The following GPC6 variants were observed in gnomAD, a reference collection of about 807,000 sequenced individuals.
The protein encoded by GPC6 is glypican-6.
GPC6 carries 14 observed loss-of-function variants against 55.2 expected under a neutral mutation model. The observed-to-expected ratio is 0.25, with a 90% CI of 0.17 to 0.40. The LOEUF (loss-of-function observed/expected upper bound fraction) is 0.40, where lower values mean the gene tolerates loss of function less well. GPC6 is among the 10% of genes least tolerant of loss of function. GPC6 has a pLI of 1.00. For missense variants in GPC6, 641 were observed against 708.5 expected (o/e 0.90, Z 1.08); for synonymous variants, 278 against 259.6 (o/e 1.07, Z -0.68).
At chr13:93,976,774 A>G (rs187095577) in intron 3 of GPC6, among the ~76,000 whole-genome samples, 21 of 151,958 alleles carry the variant, frequency 1.4e-4, no homozygotes, top group Non-Finnish European at 2.1e-4. Context: ...CACTTCTGAC[A>G]GGAGAAGGAC....
At chr13:93,237,264 C>A (rs1408348870) in intron 1 of GPC6, among the ~76,000 whole-genome samples, 3 of 152,136 alleles carry the variant, frequency 2.0e-5, no homozygotes, top group Non-Finnish European at 4.4e-5. Context: ...AATGGCCATT[C>A]TGACTAGGAT....
chr13:94,268,152 C>A (rs563667180), intron 4 of GPC6, among the ~76,000 whole-genome samples: 29 of 152,232 alleles, frequency 1.9e-4, no homozygotes, highest in African/African-American at 5.8e-4. Flanking sequence ...TTAGTAGTTC[C>A]AAGAGGTACT....
intron 4 of GPC6, among the ~76,000 whole-genome samples, chr13:94,256,442 C>G (rs1014423991): frequency 1.3e-5 from 2 of 152,124 alleles, no homozygotes; most frequent in Non-Finnish European, 2.9e-5. Context: ...AAAGAAGCAT[C>G]TTGCTACAAG....
chr13:93,660,433 T>C (rs9524162), intron 2 of GPC6, among the ~76,000 whole-genome samples: 39,786 of 152,050 alleles, frequency 0.26, 5,801 homozygotes, highest in East Asian at 0.47. Flanking sequence ...ATTAAAGTGT[T>C]AAATTCTTTA....
intron 4 of GPC6, among the ~76,000 whole-genome samples, chr13:94,113,526 T>C (rs1330733086): frequency 6.6e-6 from 1 of 150,522 alleles, no homozygotes; most frequent in Non-Finnish European, 1.5e-5. Context: ...TTGTGAAGTT[T>C]CCATGTTTTC....
intron 6 of GPC6, among the ~76,000 whole-genome samples, chr13:94,333,878 A>T (rs1471068821): frequency 6.6e-6 from 1 of 152,194 alleles, no homozygotes; most frequent in Non-Finnish European, 1.5e-5. Flanking sequence ...AGCCTGTGCA[A>T]CTATTAGGAT....
At chr13:93,876,361 A>G (rs1427487141) in intron 3 of GPC6, among the ~76,000 whole-genome samples, 2 of 151,942 alleles carry the variant, frequency 1.3e-5, no homozygotes, top group African/African-American at 2.4e-5. Context: ...ATCAAATAAT[A>G]CTCTTGCTTA....
At chr13:93,615,264 T>C (rs1878663867) in intron 2 of GPC6, among the ~76,000 whole-genome samples, 2 of 152,166 alleles carry the variant, frequency 1.3e-5, no homozygotes, top group Non-Finnish European at 2.9e-5. Context: ...TTATATGAAT[T>C]ATCAAAGAAT....
At position 94,364,332 on chromosome 13, in the gene GPC6, G is replaced by A. The variant is rs146516468; in HGVS notation, c.1153-18082G>A. On this transcript the variant is annotated intron_variant, in intron 6 of 8. Coordinates refer to ENST00000377047, the MANE Select transcript of GPC6 (RefSeq NM_005708.5). ...GGTCTAATCATAAGCAGAGTAAATC[G>A]TACTCCCTGGTTGGTGCCCCATGGG... Among the ~76,000 whole-genome samples, 137 of 152,266 alleles carry A rather than the reference G, an allele frequency of 9.0e-4. 1 individual carries two copies. The highest frequency in any genetic ancestry group is 3.2e-3 in the African/African-American group (131 of 41,556).
intron 2 of GPC6, among the ~76,000 whole-genome samples, chr13:93,723,501 A>C (rs1457622988): frequency 2.0e-5 from 3 of 152,018 alleles, no homozygotes; most frequent in Non-Finnish European, 2.9e-5. Context: ...CCAAGCCTTC[A>C]GATAACTGCA....
intron 2 of GPC6, among the ~76,000 whole-genome samples, chr13:93,756,155 A>G (rs1884761583): frequency 6.6e-6 from 1 of 152,172 alleles, no homozygotes; most frequent in Non-Finnish European, 1.5e-5. Context: ...GATTCTACGT[A>G]GGCTCCACCA....
At chr13:94,300,740 G>A (rs186880459) in intron 5 of GPC6, among the ~76,000 whole-genome samples, 1 of 152,176 alleles carries the variant, frequency 6.6e-6, no homozygotes, top group Non-Finnish European at 1.5e-5. Flanking sequence ...AGCAGGCAGC[G>A]GTCAGGAGGT....
intron 4 of GPC6, among the ~76,000 whole-genome samples, chr13:94,243,155 T>G (rs2139028262): frequency 6.6e-6 from 1 of 152,242 alleles, no homozygotes; most frequent in South Asian, 2.1e-4. Flanking sequence ...TATCAATTTC[T>G]GTGGTTAGCA....
At chr13:93,752,976 C>A (rs777767810) in intron 2 of GPC6, among the ~76,000 whole-genome samples, 3 of 152,314 alleles carry the variant, frequency 2.0e-5, no homozygotes, top group Non-Finnish European at 2.9e-5. Flanking sequence ...TTCTTTCATT[C>A]TCAGTCTGAA....
intron 2 of GPC6, among the ~76,000 whole-genome samples, chr13:93,695,927 T>A (rs78256452): frequency 0.01 from 1,548 of 152,272 alleles, 33 homozygotes; most frequent in African/African-American, 0.035. Flanking sequence ...TAATGAATTC[T>A]TATCTAATTA....
intron 3 of GPC6, among the ~76,000 whole-genome samples, chr13:93,980,835 A>G (rs139387541): frequency 1.1e-4 from 16 of 152,162 alleles, no homozygotes; most frequent in African/African-American, 3.9e-4. Context: ...GGCTGAAACC[A>G]TATCTGTGCT....
At chr13:93,656,228 T>C (rs1413511495) in intron 2 of GPC6, among the ~76,000 whole-genome samples, 1 of 152,156 alleles carries the variant, frequency 6.6e-6, no homozygotes, top group Non-Finnish European at 1.5e-5. Flanking sequence ...TATTGGATAA[T>C]GTAAACGGTG....
intron 4 of GPC6, among the ~76,000 whole-genome samples, chr13:94,243,185 A>G (rs1044434185): frequency 6.6e-6 from 1 of 152,096 alleles, no homozygotes; most frequent in African/African-American, 2.4e-5. Flanking sequence ...TAACTTGAAA[A>G]CAAATCACAT....
chr13:93,596,820 A>C (rs1877768122), intron 2 of GPC6, among the ~76,000 whole-genome samples: 1 of 148,782 alleles, frequency 6.7e-6, no homozygotes, highest in African/African-American at 2.4e-5. Context: ...AAATATATAT[A>C]ATTACGTGTG....
Sources: gnomAD v4.1 joint callset for allele counts (sites outside exome capture counted in the v4.1 genomes callset) on GRCh38, gnomAD v4.1.1 for gene constraint, MANE v1.5 for transcripts, NCBI Gene and HGNC (gene_info 2026-07-23, HGNC 2026-07-21) for gene names.